The following GSK3B variants were observed in gnomAD, a reference collection of about 807,000 sequenced individuals.
GSK3B encodes glycogen synthase kinase-3 beta.
Under a neutral mutation model 56.4 loss-of-function variants are expected in GSK3B, and 15 were observed. The observed-to-expected ratio is 0.27, with a 90% confidence interval of 0.18 to 0.41. The LOEUF (loss-of-function observed/expected upper bound fraction) is 0.41, where lower values mean the gene tolerates loss of function less well. Among genes scored for constraint, GSK3B ranks in the 10% least tolerant of loss-of-function variants. The pLI, the probability that GSK3B is intolerant of heterozygous loss-of-function variation, is 1.00. For synonymous variants in GSK3B, 181 were observed against 188.9 expected, an observed-to-expected ratio of 0.96 and a Z score of 0.34; for missense variants, 300 against 513.4, an observed-to-expected ratio of 0.58 and a Z score of 4.02.
At chr3:119,990,369 G>GTT (rs2057553464) in intron 2 of GSK3B, among the ~76,000 whole-genome samples, 1 of 152,120 alleles carries the variant, frequency 6.6e-6, no homozygotes, top group Non-Finnish European at 1.5e-5. Context: ...GTAAGAGAAA[G>GTT]CGCTCCTGAT....
At chr3:119,946,615 G>A (rs1210776471) in intron 3 of GSK3B, among the ~76,000 whole-genome samples, 1 of 152,104 alleles carries the variant, frequency 6.6e-6, no homozygotes, top group Non-Finnish European at 1.5e-5. Flanking sequence ...AGACACCAAG[G>A]AAAAACAGAA....
intron 3 of GSK3B, among the ~76,000 whole-genome samples, chr3:119,923,772 C>A (rs1471024423): frequency 1.3e-5 from 2 of 152,168 alleles, no homozygotes; most frequent in East Asian, 3.8e-4. Context: ...TAGAGGATAT[C>A]ACCTGTCATA....
intron 6 of GSK3B, among the ~76,000 whole-genome samples, chr3:119,910,325 A>C (rs2056723062): frequency 2.0e-5 from 3 of 152,196 alleles, no homozygotes; most frequent in Admixed American, 1.3e-4. Flanking sequence ...CCAGACCATA[A>C]CAATAAGACA....
intron 10 of GSK3B, among the ~76,000 whole-genome samples, chr3:119,835,674 GT>G (rs950908136): frequency 6.6e-6 from 1 of 150,826 alleles, no homozygotes; most frequent in African/African-American, 2.4e-5. Flanking sequence ...CTGCTTTTTT[GT>G]TTTTTTTTAA....
In GSK3B at chr3:120,049,936, G is replaced by T. The variant is rs78512917; in HGVS notation, c.88+43411C>A. Among the ~76,000 whole-genome samples, 152 of 152,322 alleles carry T rather than the reference G, an allele frequency of 1.0e-3. 1 individual carries two copies. The highest frequency in any genetic ancestry group is 3.6e-3 in the African/African-American group (148 of 41,560). ...CAGCTGCTTTAATCCATTTTGTAGT[G>T]CTATGACAGAATACATGAGACTGGG... On this transcript the variant is annotated intron_variant, in intron 1 of 10. Coordinates refer to ENST00000264235, the MANE Select transcript of GSK3B (RefSeq NM_001146156.2).
chr3:120,079,341 CACACACACATTTT>C (rs2058395918), intron 1 of GSK3B, among the ~76,000 whole-genome samples: 1 of 134,696 alleles, frequency 7.4e-6, no homozygotes, highest in South Asian at 2.3e-4. Flanking sequence ...CACACACACA[CACACACACATTTT>C]TTTTTTTAAT....
At chr3:119,844,162 A>T (rs2055820767) in intron 9 of GSK3B, among the ~76,000 whole-genome samples, 1 of 152,224 alleles carries the variant, frequency 6.6e-6, no homozygotes, top group Non-Finnish European at 1.5e-5. Context: ...TCTCTGGGAC[A>T]CAGCTAAAGC....
At chr3:119,833,754 G>A (rs1000495101) in intron 10 of GSK3B, among the ~76,000 whole-genome samples, 3 of 144,694 alleles carry the variant, frequency 2.1e-5, no homozygotes, top group Admixed American at 1.4e-4. Context: ...GGAGTGCAGT[G>A]GCGCAATCTC....
chr3:120,062,576 A>G (rs2058246838), intron 1 of GSK3B, among the ~76,000 whole-genome samples: 1 of 152,248 alleles, frequency 6.6e-6, no homozygotes, highest in Non-Finnish European at 1.5e-5. Context: ...CAAGTGAAAA[A>G]AGAACTCAGA....
At chr3:120,003,954 TG>T (rs1267746235) in intron 1 of GSK3B, among the ~76,000 whole-genome samples, 1 of 152,220 alleles carries the variant, frequency 6.6e-6, no homozygotes, top group Admixed American at 6.5e-5. Context: ...TTGCCTCACC[TG>T]GGAAGTGCAA....
At chr3:120,043,275 A>T (rs993923153) in intron 1 of GSK3B, among the ~76,000 whole-genome samples, 7 of 152,190 alleles carry the variant, frequency 4.6e-5, no homozygotes, top group African/African-American at 1.7e-4. Flanking sequence ...GTCATGGGCC[A>T]TTATCCAAAG....
intron 9 of GSK3B, among the ~76,000 whole-genome samples, chr3:119,859,184 T>TTA (rs2056065658): frequency 7.0e-6 from 1 of 143,392 alleles, no homozygotes; most frequent in South Asian, 2.2e-4. Flanking sequence ...TTTGTGTATA[T>TTA]AAAAAAAAAA....
chr3:120,040,631 C>A (rs1256911973), intron 1 of GSK3B, among the ~76,000 whole-genome samples: 2 of 152,004 alleles, frequency 1.3e-5, no homozygotes, highest in Non-Finnish European at 2.9e-5. Context: ...CCAAGCAAGA[C>A]AAGAAGTAAA....
intron 10 of GSK3B, among the ~76,000 whole-genome samples, chr3:119,840,610 C>T (rs1322719209): frequency 6.6e-6 from 1 of 152,198 alleles, no homozygotes; most frequent in Non-Finnish European, 1.5e-5. Flanking sequence ...TCTTAAACTA[C>T]AGGCAGCCGG....
At chr3:120,035,288 T>A (rs937142382) in intron 1 of GSK3B, among the ~76,000 whole-genome samples, 6 of 152,134 alleles carry the variant, frequency 3.9e-5, no homozygotes, top group African/African-American at 1.4e-4. Context: ...TAGCAAACAC[T>A]AGAAGCAGCA....
chr3:120,030,514 T>C (rs1250347123), intron 1 of GSK3B, among the ~76,000 whole-genome samples: 1 of 152,220 alleles, frequency 6.6e-6, no homozygotes. Flanking sequence ...TCTCATATCA[T>C]GCCATTATTC....
intron 8 of GSK3B, among the ~76,000 whole-genome samples, chr3:119,876,024 A>C (rs530160553): frequency 2.6e-5 from 4 of 152,292 alleles, no homozygotes; most frequent in South Asian, 2.1e-4. Flanking sequence ...ATGTTTTAAC[A>C]GTTTAAAAGA....
At chr3:119,936,688 G>T (rs1006639833) in intron 3 of GSK3B, among the ~76,000 whole-genome samples, 15 of 151,626 alleles carry the variant, frequency 9.9e-5, no homozygotes, top group African/African-American at 3.6e-4. Context: ...AGTCATCAAG[G>T]AGCTATAACA....
intron 10 of GSK3B, among the ~76,000 whole-genome samples, chr3:119,827,840 G>C (rs1471158879): frequency 2.1e-5 from 3 of 146,238 alleles, no homozygotes; most frequent in Non-Finnish European, 4.5e-5. Context: ...GGTAGCGGGG[G>C]TGGGGGAAGT....
Sources: gnomAD v4.1 joint callset for allele counts (sites outside exome capture counted in the v4.1 genomes callset) on GRCh38, gnomAD v4.1.1 for gene constraint, MANE v1.5 for transcripts, NCBI Gene and HGNC (gene_info 2026-07-23, HGNC 2026-07-21) for gene names.